The following AFG2A variants were observed in gnomAD, a reference collection of about 807,000 sequenced individuals.
The protein encoded by AFG2A is ATPase family gene 2 protein homolog A.
At chr4:123,121,798 T>C in the AFG2A span, among the ~76,000 whole-genome samples, 11 of 152,236 alleles carry the variant, frequency 7.2e-5, no homozygotes, top group African/African-American at 2.7e-4. Context: ...TTTTGTTCTG[T>C]AACTTTCTTG....
At chr4:123,301,537 G>A in the AFG2A span, among the ~76,000 whole-genome samples, 1 of 152,012 alleles carries the variant, frequency 6.6e-6, no homozygotes, top group Admixed American at 6.6e-5. Context: ...TTATATGCTA[G>A]ATGGGAAAAA....
At chr4:123,147,837 T>C in the AFG2A span, among the ~76,000 whole-genome samples, 3 of 152,198 alleles carry the variant, frequency 2.0e-5, no homozygotes, top group Non-Finnish European at 4.4e-5. Context: ...TTTATGTAAT[T>C]GTACATGAAT....
the AFG2A span, among the ~76,000 whole-genome samples, chr4:123,013,741 C>T: frequency 1.3e-5 from 2 of 152,180 alleles, no homozygotes; most frequent in South Asian, 4.1e-4. Flanking sequence ...GCTTGTCCCT[C>T]TGTCACTTTT....
chr4:123,224,182 T>C, the AFG2A span, among the ~76,000 whole-genome samples: 1 of 152,136 alleles, frequency 6.6e-6, no homozygotes, highest in Non-Finnish European at 1.5e-5. Context: ...TTTGTTTTGT[T>C]GAGTCATCTC....
the AFG2A span, among the ~76,000 whole-genome samples, chr4:123,005,452 G>A: frequency 6.6e-6 from 1 of 152,100 alleles, no homozygotes; most frequent in South Asian, 2.1e-4. Context: ...ACTGCGCCCA[G>A]CCTTGTTTTA....
the AFG2A span, among the ~76,000 whole-genome samples, chr4:123,029,193 G>T: frequency 3.3e-5 from 5 of 152,132 alleles, no homozygotes; most frequent in African/African-American, 9.7e-5. Context: ...CGCCTCCCAG[G>T]TTCATGCCAT....
the AFG2A span, among the ~76,000 whole-genome samples, chr4:123,131,167 C>A: frequency 6.6e-6 from 1 of 151,906 alleles, no homozygotes; most frequent in South Asian, 2.1e-4. Context: ...TACAAACCTT[C>A]TCTTAATCTG....
At chr4:123,227,020 G>C in the AFG2A span, among the ~76,000 whole-genome samples, 550 of 152,284 alleles carry the variant, frequency 3.6e-3, 1 homozygote, top group African/African-American at 0.012. Flanking sequence ...AATATTCTCT[G>C]ATGGTAGTTT....
the AFG2A span, among the ~76,000 whole-genome samples, chr4:123,252,929 A>G: frequency 6.6e-6 from 1 of 152,194 alleles, no homozygotes; most frequent in Admixed American, 6.5e-5. Context: ...ACTCATGCAC[A>G]TTGTTGAGTG....
At chr4:123,271,489 C>T in the AFG2A span, among the ~76,000 whole-genome samples, 3 of 152,154 alleles carry the variant, frequency 2.0e-5, no homozygotes, top group Admixed American at 2.0e-4. Flanking sequence ...GCCAGCAGTG[C>T]ACAGCTTTGG....
the AFG2A span, among the ~76,000 whole-genome samples, chr4:123,123,575 A>G: frequency 6.6e-6 from 1 of 152,162 alleles, no homozygotes; most frequent in Non-Finnish European, 1.5e-5. Flanking sequence ...TAAAAGTATC[A>G]TCACTGGCCA....
At chr4:123,124,199 T>C in the AFG2A span, among the ~76,000 whole-genome samples, 2 of 152,142 alleles carry the variant, frequency 1.3e-5, no homozygotes, top group African/African-American at 2.4e-5. Flanking sequence ...GTATGTTTAT[T>C]GCAGCACTGT....
chr4:123,141,161 A>G, the AFG2A span, among the ~76,000 whole-genome samples: 4 of 152,240 alleles, frequency 2.6e-5, no homozygotes, highest in African/African-American at 9.6e-5. Flanking sequence ...TTTTAAAAGA[A>G]AGTTTCTAGC....
the AFG2A span, among the ~76,000 whole-genome samples, chr4:123,288,263 C>G: frequency 6.6e-6 from 1 of 151,984 alleles, no homozygotes; most frequent in Non-Finnish European, 1.5e-5. Flanking sequence ...GGAATGAAAG[C>G]AGATATGGAG....
the AFG2A span, among the ~76,000 whole-genome samples, chr4:123,063,529 G>A: frequency 2.0e-5 from 3 of 152,090 alleles, no homozygotes; most frequent in Non-Finnish European, 2.9e-5. Flanking sequence ...GGCGGATCAC[G>A]AGGTCAGGAG....
At chr4:123,299,520 AGT>A in the AFG2A span, among the ~76,000 whole-genome samples, 1 of 152,178 alleles carries the variant, frequency 6.6e-6, no homozygotes, top group African/African-American at 2.4e-5. Context: ...TATCATTCAT[AGT>A]AGAGAGTACA....
chr4:123,281,778 A>C, the AFG2A span, among the ~76,000 whole-genome samples: 1 of 152,210 alleles, frequency 6.6e-6, no homozygotes, highest in Non-Finnish European at 1.5e-5. Flanking sequence ...ATGAGCTATA[A>C]GGCCATGACA....
the AFG2A span, among the ~76,000 whole-genome samples, chr4:123,299,723 G>T: frequency 6.6e-6 from 1 of 152,164 alleles, no homozygotes; most frequent in Admixed American, 6.6e-5. Flanking sequence ...TAAAGTATAT[G>T]AGTACAGTCC....
the AFG2A span, among the ~76,000 whole-genome samples, chr4:123,117,429 G>T: frequency 6.7e-6 from 1 of 149,322 alleles, no homozygotes; most frequent in South Asian, 2.2e-4. Context: ...GAGGTTTTTG[G>T]AACCTGGCAT....
Sources: allele counts gnomAD v4.1 joint callset (sites outside exome capture counted in the v4.1 genomes callset), GRCh38; gene constraint gnomAD v4.1.1; transcripts MANE v1.5; gene names NCBI Gene and HGNC (gene_info 2026-07-23, HGNC 2026-07-21).